PLCH1: variants seen among roughly 807,000 people sequenced by gnomAD.
The protein encoded by PLCH1 is 1-phosphatidylinositol 4,5-bisphosphate phosphodiesterase eta-1.
Under a neutral mutation model 126.7 loss-of-function variants are expected in PLCH1, and 60 were observed. The observed-to-expected ratio is 0.47, with a 90% CI of 0.38 to 0.59. The LOEUF (loss-of-function observed/expected upper bound fraction) is 0.59. Among genes scored for constraint, PLCH1 ranks in the 20% least tolerant of loss-of-function variants. The pLI is 0.00. For missense variants in PLCH1, 1,723 were observed against 2,040.0 expected (o/e 0.84, Z 2.99); for synonymous variants, 719 against 734.9 (o/e 0.98, Z 0.35).
At position 155,681,871 on chromosome 3, in the gene PLCH1, T is replaced by C. The variant is rs1371228931; in HGVS notation, c.79+22275A>G. ...TCCATAAAATAGGGGGGTTTTTTACTACCACTGAGGCATTGTCCTGTCTGA... is the reference window on the plus strand; with the variant it reads ...TCCATAAAATAGGGGGGTTTTTTACCACCACTGAGGCATTGTCCTGTCTGA... On this transcript the variant is annotated intron_variant, in intron 2 of 22. Coordinates refer to ENST00000460012, the MANE Select transcript of PLCH1 (RefSeq NM_014996.4). Among the ~76,000 whole-genome samples, 6 of 152,268 alleles carry C rather than the reference T, an allele frequency of 3.9e-5. No homozygotes were observed. In the East Asian group the frequency reaches 9.7e-4, roughly 25 times the overall value.
chr3:155,720,920 A>G (rs961674840), intron 1 of PLCH1, among the ~76,000 whole-genome samples: 5 of 152,222 alleles, frequency 3.3e-5, no homozygotes, highest in Admixed American at 3.3e-4. Flanking sequence ...AGAAGCATCC[A>G]GTTTCATTCT....
At chr3:155,470,742 A>G (rs971976924) in intron 21 of PLCH1, among the ~76,000 whole-genome samples, 3 of 152,116 alleles carry the variant, frequency 2.0e-5, no homozygotes, top group Non-Finnish European at 4.4e-5. Flanking sequence ...CAGAAACCCT[A>G]CAAGCCAGAA....
chr3:155,541,454 G>A (rs1724217511), intron 10 of PLCH1, among the ~76,000 whole-genome samples: 1 of 152,194 alleles, frequency 6.6e-6, no homozygotes, highest in South Asian at 2.1e-4. Flanking sequence ...GGAGGCCATT[G>A]TAGGGTTATC....
intron 2 of PLCH1, among the ~76,000 whole-genome samples, chr3:155,670,484 T>C (rs987409482): frequency 1.3e-5 from 2 of 152,180 alleles, no homozygotes; most frequent in Non-Finnish European, 2.9e-5. Flanking sequence ...AACAGATCGA[T>C]AGAAATAATC....
chr3:155,740,888 G>A (rs1749574097), intron 1 of PLCH1, among the ~76,000 whole-genome samples: 1 of 152,146 alleles, frequency 6.6e-6, no homozygotes, highest in Non-Finnish European at 1.5e-5. Flanking sequence ...GATACATATG[G>A]TAGATTTATC....
rs182870663 is a variant in PLCH1 at position 155,736,631 on chromosome 3, G to T, written c.-41+8209C>A. Among the ~76,000 whole-genome samples the T allele has an allele frequency of 2.6e-3, 396 of 152,316 alleles. 1 individual carries two copies. Among genetic ancestry groups the T allele is most frequent in the Non-Finnish European group, 4.6e-3 (311 of 68,022 alleles). On this transcript the variant is annotated intron_variant, in intron 1 of 22. Transcript: ENST00000460012. Reference sequence around the variant, plus strand: ...AATAGTGATGCTTTATGAGAGGAAAGAAAACTATTAAAAATTGCAAAACCT... The same window carrying T: ...AATAGTGATGCTTTATGAGAGGAAATAAAACTATTAAAAATTGCAAAACCT...
At chr3:155,719,364 T>G (rs1057382768) in intron 1 of PLCH1, among the ~76,000 whole-genome samples, 1 of 150,954 alleles carries the variant, frequency 6.6e-6, no homozygotes, top group Non-Finnish European at 1.5e-5. Context: ...CGGGGCCTGT[T>G]GTGGGGTTGG....
chr3:155,545,684 T>A (rs962711440), intron 10 of PLCH1, among the ~76,000 whole-genome samples: 1 of 151,994 alleles, frequency 6.6e-6, no homozygotes, highest in African/African-American at 2.4e-5. Flanking sequence ...AAAAAGCTTA[T>A]CCACCATGAT....
intron 2 of PLCH1, among the ~76,000 whole-genome samples, chr3:155,641,815 A>G (rs191378442): frequency 1.2e-3 from 189 of 152,248 alleles, no homozygotes; most frequent in African/African-American, 4.5e-3. Flanking sequence ...GAAAACTTAT[A>G]CTAAAACCTC....
intron 1 of PLCH1, among the ~76,000 whole-genome samples, chr3:155,718,655 G>A (rs1460503719): frequency 6.6e-6 from 1 of 152,068 alleles, no homozygotes; most frequent in African/African-American, 2.4e-5. Context: ...GAGTGCGGGG[G>A]GGAGGTGCCA....
At chr3:155,576,489 A>C (rs529146946) in intron 6 of PLCH1, among the ~76,000 whole-genome samples, 15 of 152,204 alleles carry the variant, frequency 9.9e-5, no homozygotes, top group Non-Finnish European at 1.9e-4. Context: ...CAAAGGCATA[A>C]ATTCAATCTT....
chr3:155,732,006 A>AC (rs1220836749), intron 1 of PLCH1, among the ~76,000 whole-genome samples: 1 of 150,746 alleles, frequency 6.6e-6, no homozygotes, highest in African/African-American at 2.4e-5. Context: ...AAAAAAAAAA[A>AC]AGTCAGGGAA....
chr3:155,465,194 A>G (rs553425640), intron 21 of PLCH1, among the ~76,000 whole-genome samples: 1 of 151,984 alleles, frequency 6.6e-6, no homozygotes, highest in Non-Finnish European at 1.5e-5. Context: ...CCAGTCATTT[A>G]TCTTATGACT....
intron 2 of PLCH1, among the ~76,000 whole-genome samples, chr3:155,637,993 C>T (rs1577211463): frequency 1.3e-5 from 2 of 152,258 alleles, no homozygotes; most frequent in Non-Finnish European, 2.9e-5. Context: ...AGTTTGCACA[C>T]GATCTGCACA....
At chr3:155,565,995 G>A (rs1371800580) in intron 7 of PLCH1, among the ~76,000 whole-genome samples, 1 of 150,738 alleles carries the variant, frequency 6.6e-6, no homozygotes, top group Non-Finnish European at 1.5e-5. Context: ...ACTGTGCCCG[G>A]CCAGGTATTT....
At position 155,480,444 on chromosome 3, in the gene PLCH1, C is replaced by T. The variant is rs1713835159; in HGVS notation, c.*524G>A. The T allele has an allele frequency of 6.5e-6, 1 of 153,866 alleles. No homozygotes were observed. The allele number at this position is 153,866 out of a possible 1,614,324, so 9.5% of individuals were successfully genotyped here. On this transcript the variant is annotated 3_prime_UTR_variant, in exon 23 of 23. Transcript: ENST00000460012. The stretch of plus-strand genomic sequence containing the variant: ...TCATTATGGGTGGGATAAGAACATC[C>T]TAAAAGGCAAGGTAACTATTTTAAA...
rs147160039 is a variant in PLCH1 at position 155,649,481 on chromosome 3, C to G, written c.80-53103G>C. On this transcript the variant is annotated intron_variant, in intron 2 of 22. Transcript: ENST00000460012. ...CACCCCAAGTAGCACCATGCACAAC[C>G]TATGCTACACCTCAGAGCAGCCCTG... Among the ~76,000 whole-genome samples the G allele has an allele frequency of 5.6e-3, 859 of 152,290 alleles. 11 individuals carry two copies. The highest frequency in any genetic ancestry group is 0.02 in the African/African-American group (813 of 41,558).
At chr3:155,503,717 T>C (rs1276471001) in intron 13 of PLCH1, among the ~76,000 whole-genome samples, 2 of 152,296 alleles carry the variant, frequency 1.3e-5, no homozygotes, top group East Asian at 1.9e-4. Context: ...TTTGTATTTT[T>C]AGTAGAGACA....
At chr3:155,526,058 G>A (rs1375654067) in intron 10 of PLCH1, among the ~76,000 whole-genome samples, 1 of 152,158 alleles carries the variant, frequency 6.6e-6, no homozygotes, top group Admixed American at 6.5e-5. Context: ...CAGGCAGAAA[G>A]GAATATTTAT....
Sources: gnomAD v4.1 joint callset for allele counts (sites outside exome capture counted in the v4.1 genomes callset) on GRCh38, gnomAD v4.1.1 for gene constraint, MANE v1.5 for transcripts, NCBI Gene and HGNC (gene_info 2026-07-23, HGNC 2026-07-21) for gene names.